Variants in LRFN2 observed in about 807,000 individuals in gnomAD.
LRFN2 encodes leucine-rich repeat and fibronectin type-III domain-containing protein 2.
LRFN2 carries 18 observed loss-of-function variants against 37.3 expected under a neutral mutation model. The observed-to-expected ratio is 0.48, with a 90% confidence interval of 0.33 to 0.72. LRFN2 has a LOEUF of 0.72. LRFN2 is among the 30% of genes least tolerant of loss of function. The pLI, the probability that LRFN2 is intolerant of heterozygous loss-of-function variation, is 0.02. For missense variants in LRFN2, 1,006 were observed against 1,060.7 expected (o/e 0.95, Z 0.72); for synonymous variants, 556 against 466.6 (o/e 1.19, Z -2.47).
Position 40,486,524 on chromosome 6 carries a change from C to T in LRFN2, c.-18-53393G>A, listed in dbSNP as rs555390854. On this transcript the variant is annotated intron_variant, in intron 1 of 2. Coordinates refer to ENST00000338305, the MANE Select transcript of LRFN2 (RefSeq NM_020737.3). ...GGGGGATGGCAGGAGGGCATCTCAG[C>T]GGACCTGTGCCTGGGTAAGGAATGG... 1.5e-3 allele frequency among the ~76,000 whole-genome samples: 233 copies of T among 152,048 alleles called. 1 individual carries two copies. The highest frequency in any genetic ancestry group is 2.3e-3 in the Non-Finnish European group (156 of 67,910).
intron 1 of LRFN2, among the ~76,000 whole-genome samples, chr6:40,481,031 C>A (rs906051575): frequency 1.3e-5 from 2 of 152,164 alleles, no homozygotes; most frequent in Non-Finnish European, 2.9e-5. Flanking sequence ...ATATTAATCA[C>A]CAGTGCCATG....
intron 1 of LRFN2, among the ~76,000 whole-genome samples, chr6:40,477,933 A>G (rs1211561008): frequency 1.3e-5 from 2 of 152,180 alleles, no homozygotes; most frequent in African/African-American, 2.4e-5. Context: ...TTACATGCAC[A>G]CCGGATGTAA....
chr6:40,467,190 TGA>T (rs1764489330), intron 1 of LRFN2, among the ~76,000 whole-genome samples: 1 of 150,880 alleles, frequency 6.6e-6, no homozygotes, highest in South Asian at 2.1e-4. Flanking sequence ...ATGATGATGA[TGA>T]TGATGATGAT....
At chr6:40,405,526 C>T (rs913513640) in intron 2 of LRFN2, among the ~76,000 whole-genome samples, 2 of 152,184 alleles carry the variant, frequency 1.3e-5, no homozygotes, top group Non-Finnish European at 2.9e-5. Flanking sequence ...GGGTCTGTTA[C>T]ATAAAGGAGT....
At position 40,523,505 on chromosome 6, in the gene LRFN2, A is replaced by ATTTTTTTTTTT. The variant is rs751179915; in HGVS notation, c.-19+63425_-19+63435dup. 1.5e-5 allele frequency among the ~76,000 whole-genome samples: 2 copies of ATTTTTTTTTTT among 129,314 alleles called. 1 individual carries two copies. The highest frequency in any genetic ancestry group is 3.3e-5 in the Non-Finnish European group (2 of 60,438). The allele number at this position is 129,314 out of a possible 152,430, so 84.8% of individuals were successfully genotyped here. A position where few individuals can be genotyped will look rare whatever the true frequency, so the allele number is the denominator to read the frequency against. ...TAGGACCCTAAAGCATCTTTAGGTG[A>ATTTTTTTTTTT]TTTTTTTTTTTTTTTTTTTTTTTTT... On this transcript the variant is annotated intron_variant, in intron 1 of 2. Transcript: ENST00000338305.
At chr6:40,489,509 G>C (rs1469050634) in intron 1 of LRFN2, among the ~76,000 whole-genome samples, 1 of 152,184 alleles carries the variant, frequency 6.6e-6, no homozygotes, top group East Asian at 1.9e-4. Context: ...TGTGCCTGGA[G>C]GAGGTGGCAG....
At chr6:40,431,625 A>G in intron 2 of LRFN2, 89 bp downstream of exon 2, 1 of 1,144,290 alleles carries the variant, frequency 8.7e-7, no homozygotes, top group East Asian at 2.5e-5. Flanking sequence ...GAAGAGGGGT[A>G]TAGGTGGGAG....
At chr6:40,542,151 T>C (rs1561901466) in intron 1 of LRFN2, among the ~76,000 whole-genome samples, 1 of 152,214 alleles carries the variant, frequency 6.6e-6, no homozygotes, top group South Asian at 2.1e-4. Flanking sequence ...TGCTTTTGGC[T>C]GGATGCTTGC....
chr6:40,416,547 T>C (rs1485031792), intron 2 of LRFN2, among the ~76,000 whole-genome samples: 1 of 152,174 alleles, frequency 6.6e-6, no homozygotes, highest in African/African-American at 2.4e-5. Context: ...GTAGCAAGCA[T>C]GAGCCCCATT....
At position 40,496,527 on chromosome 6, in the gene LRFN2, T is replaced by G. The variant is rs150226012; in HGVS notation, c.-18-63396A>C. 3.4e-4 allele frequency among the ~76,000 whole-genome samples: 51 copies of G among 152,024 alleles called. 2 individuals are homozygous for G. The East Asian group carries it at 8.8e-3, about 26-fold the overall frequency. On this transcript the variant is annotated intron_variant, in intron 1 of 2. Transcript: ENST00000338305. ...GACTCAGCTCATTCCAGTCTTAGAA[T>G]CTTTGCACTGATTAGTCCTCCTGCT... is the stretch of plus-strand genomic sequence containing the variant.
At chr6:40,424,674 T>C (rs1482264451) in intron 2 of LRFN2, among the ~76,000 whole-genome samples, 3 of 152,124 alleles carry the variant, frequency 2.0e-5, no homozygotes, top group African/African-American at 7.2e-5. Context: ...TCCACCCCTA[T>C]TTCCTCCTCT....
At chr6:40,470,943 G>A (rs967916117) in intron 1 of LRFN2, among the ~76,000 whole-genome samples, 22 of 152,330 alleles carry the variant, frequency 1.4e-4, no homozygotes, top group East Asian at 1.4e-3. Context: ...CTCATCCTAC[G>A]GAGGATTGCA....
chr6:40,520,696 G>A (rs1766035736), intron 1 of LRFN2, among the ~76,000 whole-genome samples: 1 of 151,984 alleles, frequency 6.6e-6, no homozygotes, highest in Non-Finnish European at 1.5e-5. Flanking sequence ...GGCCTCTGGA[G>A]GCTGGTGCAG....
rs1248393139 is a variant in LRFN2 at position 40,432,941 on chromosome 6, C to T, written c.173G>A (p.Arg58His). Reference sequence around the variant, plus strand: ...GTGGATGATGAAGTTGCCGCCCAGGCGCAGCTCCACTGTCCGCCGGTCAAT... The same window carrying T: ...GTGGATGATGAAGTTGCCGCCCAGGTGCAGCTCCACTGTCCGCCGGTCAAT... The part of the protein sequence containing the change: ...PDIDRRTVEL[R>H]LGGNFIIHIS... The change falls in exon 2 of 3, where the codon CGC becomes CAC. Residue 58 changes from arginine (R) to histidine (H), a missense_variant. Arg to His is a conservative substitution (Grantham distance 29, BLOSUM62 0). Around this residue, in one of 4 missense-constraint regions of LRFN2, gnomAD observed 185 missense variants for 254.9 expected, o/e 0.73. Coordinates refer to ENST00000338305, the MANE Select transcript of LRFN2 (RefSeq NM_020737.3). 23 of 1,613,724 alleles carry T rather than the reference C, an allele frequency of 1.4e-5. No individual in the cohort carries two copies. In the East Asian group the frequency reaches 2.0e-4, roughly 14 times the overall value.
intron 2 of LRFN2, among the ~76,000 whole-genome samples, chr6:40,430,093 G>T (rs1340600856): frequency 6.6e-6 from 1 of 152,096 alleles, no homozygotes; most frequent in Non-Finnish European, 1.5e-5. Flanking sequence ...GCATATTTAA[G>T]TTTGACTATA....
At chr6:40,505,099 G>A (rs1388437917) in intron 1 of LRFN2, among the ~76,000 whole-genome samples, 1 of 152,216 alleles carries the variant, frequency 6.6e-6, no homozygotes, top group Non-Finnish European at 1.5e-5. Flanking sequence ...CAGCCAGTGG[G>A]CTCTGTCTGC....
intron 1 of LRFN2, among the ~76,000 whole-genome samples, chr6:40,479,021 G>A (rs1441158269): frequency 2.6e-5 from 4 of 152,116 alleles, no homozygotes; most frequent in Admixed American, 6.5e-5. Flanking sequence ...GCACAGGTTC[G>A]GAAATTTTGT....
chr6:40,453,551 CA>C (rs368255532), intron 1 of LRFN2, among the ~76,000 whole-genome samples: 7,339 of 147,558 alleles, frequency 0.05, 238 homozygotes, highest in Middle Eastern at 0.072. Flanking sequence ...CACACACACA[CA>C]CACCTCCCTT....
intron 2 of LRFN2, among the ~76,000 whole-genome samples, chr6:40,418,801 A>T (rs1254864045): frequency 1.3e-5 from 2 of 152,216 alleles, no homozygotes; most frequent in African/African-American, 2.4e-5. Context: ...ATAAGAAAAC[A>T]TGCAGAACAG....
Sources: allele counts gnomAD v4.1 joint callset (sites outside exome capture counted in the v4.1 genomes callset), GRCh38; gene constraint gnomAD v4.1.1; regional missense constraint gnomAD v4.1.1; transcripts MANE v1.5; gene names NCBI Gene and HGNC (gene_info 2026-07-23, HGNC 2026-07-21).